Variants in GOLGA3 observed in about 807,000 individuals in gnomAD.
The protein encoded by GOLGA3 is golgin subfamily A member 3.
In GOLGA3, 75 loss-of-function variants were observed where a neutral mutation model predicts 169.4. The ratio of observed to expected loss-of-function variants is 0.44; its 90% CI spans 0.37 to 0.54. GOLGA3 has a LOEUF of 0.54. Ranked by LOEUF, GOLGA3 falls within the 20% of genes least tolerant of loss-of-function variation. The pLI, the probability that GOLGA3 is intolerant of heterozygous loss-of-function variation, is 0.00. For missense variants in GOLGA3, 1,899 were observed against 1,930.0 expected, an observed-to-expected ratio of 0.98 and a Z score of 0.30; for synonymous variants, 824 against 822.4, an observed-to-expected ratio of 1.00 and a Z score of -0.03.
At chr12:132,780,360 T>C (rs556433951) in intron 18 of GOLGA3, among the ~76,000 whole-genome samples, 1 of 152,310 alleles carries the variant, frequency 6.6e-6, no homozygotes, top group Non-Finnish European at 1.5e-5. Context: ...GATGGGCCTC[T>C]GCTGGCGACG....
At position 132,774,481 on chromosome 12, in the gene GOLGA3, G is replaced by T. The variant is rs553706371; in HGVS notation, c.4144-161C>A. The T allele has an allele frequency of 8.7e-6, 6 of 692,896 alleles. No individual in the cohort carries two copies. The African/African-American group carries it at 8.9e-5, about 10-fold the overall frequency. The allele number at this position is 692,896 out of a possible 1,614,324, so 42.9% of individuals were successfully genotyped here. A position where few individuals can be genotyped will look rare whatever the true frequency, so the allele number is the denominator to read the frequency against. The stretch of plus-strand genomic sequence containing the variant: ...GTGGCAGCCCAGCACGACAGTCCCC[G>T]GAGCTCCAGAATAGCTGGCTGAGGA... On this transcript the variant is annotated intron_variant, in intron 22 of 23. Transcript: ENST00000450791.
chr12:132,821,864 A>G, intron 2 of GOLGA3, 132 bp downstream of exon 2: 1 of 580,464 alleles, frequency 1.7e-6, no homozygotes. Flanking sequence ...AAAAAAAAAA[A>G]AAAAAAAAAA....
chr12:132,804,517 G>A lies in GOLGA3; in HGVS notation c.1597+199C>T, dbSNP rs937107477. Among the ~76,000 whole-genome samples, 2 of 151,692 alleles carry A rather than the reference G, an allele frequency of 1.3e-5. No individual in the cohort carries two copies. The highest frequency in any genetic ancestry group is 1.9e-4 in the East Asian group (1 of 5,176). On this transcript the variant is annotated intron_variant, in intron 7 of 23. Transcript: ENST00000450791. This position sits in a 1 kb window ranked among gnomAD's most constrained non-coding sequence, Gnocchi z 4.1. ...TCAGCACCAGGGAGGAGGGCGTGGC[G>A]AGGACCAGTCAGGGAAGGAGGGCGT...
At chr12:132,810,374 G>A (rs11147086) in intron 4 of GOLGA3, among the ~76,000 whole-genome samples, 40,989 of 151,842 alleles carry the variant, frequency 0.27, 5,838 homozygotes, top group Middle Eastern at 0.43. Flanking sequence ...CCCAGGTGCC[G>A]AGGCAAGAGA....
rs934005412 is a variant in GOLGA3, at chr12:132,804,556, C to T, written c.1597+160G>A. ...GAAGGAGGGCGTGGCGGGGACCAGT[C>T]GAGGAAGGAGGGAGCAGCGGGGACC... On this transcript the variant is annotated intron_variant, in intron 7 of 23. Coordinates refer to ENST00000450791, the MANE Select transcript of GOLGA3 (RefSeq NM_001389683.1). This position sits in a 1 kb window ranked among gnomAD's most constrained non-coding sequence, Gnocchi z 4.1. Among the ~76,000 whole-genome samples the T allele has an allele frequency of 1.3e-4, 20 of 149,584 alleles. No individual in the cohort carries two copies. The highest frequency in any genetic ancestry group is 3.0e-5 in the Non-Finnish European group (2 of 67,432).
In GOLGA3 at chr12:132,790,529, T is replaced by C. The variant is rs377029005; in HGVS notation, c.2547+687A>G. ...CCGTGTCTTTTTGGATAACCAAAAT[T>C]TGTTTCAATGCTGGAACTCTATGTG... On this transcript the variant is annotated intron_variant, in intron 12 of 23. Transcript: ENST00000450791. 1.4e-4 allele frequency among the ~76,000 whole-genome samples: 21 copies of C among 152,292 alleles called. No homozygotes were observed. In the East Asian group the frequency reaches 3.1e-3, roughly 22 times the overall value.
chr12:132,808,063 C>A lies in GOLGA3; in HGVS notation c.1006G>T (p.Val336Leu), dbSNP rs751129761. The part of the protein sequence containing the change: ...RGTYGILSKT[V>L]GTQDTPYMVN... ...ATATAGGGGGTGTCCTGCGTGCCCA[C>A]TGTCTTCGACAGAATGCCATAGGTC... The change falls in exon 5 of 24, where the codon GTG (valine) becomes TTG (leucine). Residue 336 changes from valine to leucine, a missense_variant. Physicochemically the swap from Val to Leu is conservative, Grantham distance 32. Coordinates refer to ENST00000450791, the MANE Select transcript of GOLGA3 (RefSeq NM_001389683.1). The A allele has an allele frequency of 6.3e-7, 1 of 1,597,166 alleles. No individual in the cohort carries two copies. The highest frequency in any genetic ancestry group is 2.2e-5 in the East Asian group (1 of 44,664).
Position 132,807,953 on chromosome 12 carries a change from G to T in GOLGA3, c.1116C>A (p.His372Gln). The change falls in exon 5 of 24, where the codon CAC becomes CAA. Residue 372 changes from histidine to glutamine, a missense_variant. Transcript: ENST00000450791. Reference sequence around the variant, plus strand: ...CGTTGACCTCCTGCCCCTGGTCTTGGTGCTCAGCGGCTGCGGCCTGGAGGA... The same window carrying T: ...CGTTGACCTCCTGCCCCTGGTCTTGTTGCTCAGCGGCTGCGGCCTGGAGGA... ...KDVLQAAAAE[H>Q]QDQGQEVNGE... 1 of 1,613,290 alleles carries T rather than the reference G, an allele frequency of 6.2e-7. No individual in the cohort carries two copies. Among genetic ancestry groups the T allele is most frequent in the East Asian group, 2.2e-5 (1 of 44,848 alleles).
rs2044843834 is a variant in GOLGA3, at chr12:132,770,313, C to T, written c.*2792G>A. 1 of 149,756 alleles carries T rather than the reference C, an allele frequency of 6.7e-6. No homozygotes were observed. The highest frequency in any genetic ancestry group is 1.5e-5 in the Non-Finnish European group (1 of 68,022). The allele number at this position is 149,756 out of a possible 1,614,324, so 9.3% of individuals were successfully genotyped here. On this transcript the variant is annotated 3_prime_UTR_variant, in exon 24 of 24. Transcript: ENST00000450791. ...AAGTGTCCGCGTGAACACGAGAGGC[C>T]TCAGATCCAGAAGCACAAGCCGTGC... is the stretch of plus-strand genomic sequence containing the variant.
At position 132,789,157 on chromosome 12, in the gene GOLGA3, T is replaced by C. The variant is rs1418609664; in HGVS notation, c.2681A>G (p.Lys894Arg). The change falls in exon 13 of 24, where the codon AAG becomes AGG. Residue 894 changes from lysine (K) to arginine (R), a missense_variant. Transcript: ENST00000450791. ...RQELMQVHGEKRTAEAELSRL... is the reference protein window; with the variant it reads ...RQELMQVHGERRTAEAELSRL... ...CGAGAGCTCCGCCTCGGCAGTCCGC[T>C]TCTCCCCGTGCACTTGCATCAGCTC... is the stretch of plus-strand genomic sequence containing the variant. 1 of 1,612,442 alleles carries C rather than the reference T, an allele frequency of 6.2e-7. No individual in the cohort carries two copies. The highest frequency in any genetic ancestry group is 8.5e-7 in the Non-Finnish European group (1 of 1,180,020).
Position 132,807,935 on chromosome 12 carries a change from C to T in GOLGA3, c.1134G>A (p.Glu378=). The change falls in exon 5 of 24, where the codon GAG becomes GAA. Residue 378 remains glutamate, a synonymous_variant. Transcript: ENST00000450791. ...TCCGACTCCGCACCTCCCCGTTGACCTCCTGCCCCTGGTCTTGGTGCTCAG... is the reference window on the plus strand; with the variant it reads ...TCCGACTCCGCACCTCCCCGTTGACTTCCTGCCCCTGGTCTTGGTGCTCAG... ...AAAEHQDQGQ[E]VNGEVRSRRD... 6.2e-7 allele frequency: 1 copy of T among 1,612,992 alleles called. No homozygotes were observed. Among genetic ancestry groups the T allele is most frequent in the South Asian group, 1.1e-5 (1 of 91,008 alleles).
Position 132,782,362 on chromosome 12 carries a change from T to C in GOLGA3, c.3399A>G (p.Glu1133=). 1.2e-6 allele frequency: 2 copies of C among 1,614,252 alleles called. No individual in the cohort carries two copies. Among genetic ancestry groups the C allele is most frequent in the Non-Finnish European group, 1.7e-6 (2 of 1,180,030 alleles). The change falls in exon 17 of 24, where the codon GAA becomes GAG. Residue 1133 remains glutamate, a synonymous_variant. Transcript: ENST00000450791. ...AAGCTGTTTCTAGGATGCTGTTGTG[T>C]TCCCGCAGAGCTGCGTTGGACTGAC... ...GLGQSNAALR[E]HNSILETALA...
chr12:132,808,375 G>C lies in GOLGA3; in HGVS notation c.694C>G (p.Pro232Ala), dbSNP rs1184844798. 6.2e-7 allele frequency: 1 copy of C among 1,614,034 alleles called. No individual in the cohort carries two copies. The highest frequency in any genetic ancestry group is 1.1e-5 in the South Asian group (1 of 91,086). The stretch of plus-strand genomic sequence containing the variant: ...GATTTGGAAGTTTTTTTCTCCCTAG[G>C]ATGTGCCGGAAGCCCCAGGCTGCCC... Reference protein sequence around the residue: ...KVGSLGLPAHPREKKTSKSSK... With the variant: ...KVGSLGLPAHAREKKTSKSSK... The change falls in exon 5 of 24, where the codon CCT (proline) becomes GCT (alanine). Residue 232 changes from proline (P) to alanine (A), a missense_variant. Coordinates refer to ENST00000450791, the MANE Select transcript of GOLGA3 (RefSeq NM_001389683.1).
chr12:132,799,003 C>T (rs10870513), intron 8 of GOLGA3, among the ~76,000 whole-genome samples: 23,236 of 152,176 alleles, frequency 0.15, 3,021 homozygotes, highest in East Asian at 0.47. Flanking sequence ...GGACCATGGC[C>T]CTGAGGAGGA....
intron 3 of GOLGA3, among the ~76,000 whole-genome samples, chr12:132,813,928 G>A (rs1020849869): frequency 2.0e-5 from 3 of 151,506 alleles, no homozygotes; most frequent in Non-Finnish European, 4.4e-5. Flanking sequence ...GTTTCACCAT[G>A]TTAGTCAGGA....
chr12:132,784,003 A>G lies in GOLGA3; in HGVS notation c.3267+161T>C, dbSNP rs562651814. 17 of 1,503,990 alleles carry G rather than the reference A, an allele frequency of 1.1e-5. No homozygotes were observed. The Admixed American group carries it at 3.3e-4, about 29-fold the overall frequency. 93.2% of individuals were successfully genotyped at this position (1,503,990 alleles called of 1,614,324 possible). On this transcript the variant is annotated intron_variant, in intron 16 of 23. Transcript: ENST00000450791. Reference sequence around the variant, plus strand: ...GAGGGCTGGAATCAGGGCCTGCCCCACCACAGAGCCAGAGGCCGACGGTCA... The same window carrying G: ...GAGGGCTGGAATCAGGGCCTGCCCCGCCACAGAGCCAGAGGCCGACGGTCA...
chr12:132,774,251 C>G lies in GOLGA3; in HGVS notation c.4213G>C (p.Val1405Leu). ...ATPIKIPDCP[V>L]PASLLEELLR... ...AGCTCCTCCAGCAGCGAGGCGGGAACTGGGCAGTCCGGGATCTTGATGGGC... is the reference window on the plus strand; with the variant it reads ...AGCTCCTCCAGCAGCGAGGCGGGAAGTGGGCAGTCCGGGATCTTGATGGGC... The change falls in exon 23 of 24, where the codon GTT (valine) becomes CTT (leucine). Residue 1405 changes from valine (V) to leucine (L), a missense_variant. Val to Leu is a conservative substitution (Grantham distance 32). Transcript: ENST00000450791. The G allele has an allele frequency of 6.2e-7, 1 of 1,612,728 alleles. No individual in the cohort carries two copies. Among genetic ancestry groups the G allele is most frequent in the Non-Finnish European group, 8.5e-7 (1 of 1,180,024 alleles).
chr12:132,810,749 C>G (rs1248439481), intron 4 of GOLGA3, among the ~76,000 whole-genome samples: 1 of 152,178 alleles, frequency 6.6e-6, no homozygotes, highest in Non-Finnish European at 1.5e-5. Flanking sequence ...AGGAAAAACA[C>G]CCACTACTTA....
Position 132,822,095 on chromosome 12 carries a change from G to A in GOLGA3, c.34C>T (p.Gln12Ter). Reference sequence around the variant, plus strand: ...GGGCCACTGTGGGATCTGTCCTCCTGGAGGCCATCTTGCTCGGCCGACGCG... The same window carrying A: ...GGGCCACTGTGGGATCTGTCCTCCTAGAGGCCATCTTGCTCGGCCGACGCG... ...DGASAEQDGL[Q>*]EDRSHSGPSS... Residue 12 changes from glutamine to a stop codon, truncating the protein, a stop_gained, in exon 2 of 24, where the codon CAG (glutamine) becomes TAG (stop). Transcript: ENST00000450791. LOFTEE classifies it high-confidence loss of function. 6.2e-7 allele frequency: 1 copy of A among 1,608,252 alleles called. No individual in the cohort carries two copies. The highest frequency in any genetic ancestry group is 1.1e-5 in the South Asian group (1 of 90,490).
Sources: gnomAD v4.1 joint callset for allele counts (sites outside exome capture counted in the v4.1 genomes callset) on GRCh38, gnomAD v4.1.1 for gene constraint, Gnocchi (gnomAD v3.1) non-coding constraint, MANE v1.5 for transcripts, NCBI Gene and HGNC (gene_info 2026-07-23, HGNC 2026-07-21) for gene names.